PLXND1: variants seen among roughly 807,000 people sequenced by gnomAD.
PLXND1 encodes plexin-D1.
In PLXND1, 54 loss-of-function variants were observed where a neutral mutation model predicts 197.7. That is an observed-to-expected ratio of 0.27 (90% CI 0.22 to 0.34). The LOEUF is 0.34. PLXND1 is among the 10% of genes least tolerant of loss of function. PLXND1 has a pLI of 1.00. For missense variants in PLXND1, 2,127 were observed against 2,699.2 expected, an observed-to-expected ratio of 0.79 and a Z score of 4.70; for synonymous variants, 1,180 against 1,161.2, an observed-to-expected ratio of 1.02 and a Z score of -0.33.
chr3:129,574,717 T>G (rs965209591), intron 11 of PLXND1, among the ~76,000 whole-genome samples: 11 of 152,182 alleles, frequency 7.2e-5, no homozygotes, highest in African/African-American at 2.4e-4. Flanking sequence ...CTTCATTGAT[T>G]TCCTTCCCCT....
rs370735417 is a variant in PLXND1 at position 129,575,453 on chromosome 3, G to A, written c.2530+16C>T. The A allele has an allele frequency of 1.9e-5, 29 of 1,502,172 alleles. No individual in the cohort carries two copies. In the African/African-American group the frequency reaches 2.2e-4, roughly 11 times the overall value. 93.1% of individuals were successfully genotyped at this position (1,502,172 alleles called of 1,614,324 possible). ...CTGAGGCCCCGAGGCCATGTGGGGC[G>A]GGTGGGGGTGCCCACCTGTCATGGG... is the stretch of plus-strand genomic sequence containing the variant. On this transcript the variant is annotated intron_variant, in intron 11 of 35. Coordinates refer to ENST00000324093, the MANE Select transcript of PLXND1 (RefSeq NM_015103.3).
chr3:129,591,007 T>G (rs1459801330), intron 1 of PLXND1, among the ~76,000 whole-genome samples: 1 of 8,276 alleles, frequency 1.2e-4, no homozygotes, highest in Non-Finnish European at 5.5e-4. Flanking sequence ...TGTGCCTGCC[T>G]GGTTTTTGCA....
chr3:129,561,315 G>A (rs1458316805), intron 29 of PLXND1, among the ~76,000 whole-genome samples: 1 of 152,198 alleles, frequency 6.6e-6, no homozygotes, highest in African/African-American at 2.4e-5. Context: ...GGTGTGGAGG[G>A]GGCACTTGAG....
chr3:129,606,118 C>T lies in PLXND1; in HGVS notation c.522G>A (p.Thr174=), dbSNP rs896010083. ...PPAAPPAEPV[T]VFPSMLNVAA... ...CCACGTTCAGCATGCTGGGGAACAC[C>T]GTGACGGGCTCGGCGGGCGGCGCGG... The change falls in exon 1 of 36, where the codon ACG becomes ACA. Residue 174 remains threonine (T), a synonymous_variant. Transcript: ENST00000324093. 6.5e-7 allele frequency: 1 copy of T among 1,536,532 alleles called. No homozygotes were observed. The highest frequency in any genetic ancestry group is 2.5e-5 in the East Asian group (1 of 40,640).
intron 8 of PLXND1, among the ~76,000 whole-genome samples, chr3:129,580,660 T>C (rs1415199010): frequency 6.6e-6 from 1 of 151,996 alleles, no homozygotes; most frequent in Non-Finnish European, 1.5e-5. Flanking sequence ...TTGTAACCTG[T>C]GGCCAGGTGG....
intron 1 of PLXND1, among the ~76,000 whole-genome samples, chr3:129,602,440 C>T (rs2085723193): frequency 6.6e-6 from 1 of 152,254 alleles, no homozygotes; most frequent in Non-Finnish European, 1.5e-5. Flanking sequence ...TCCTCCGCCC[C>T]CTCCGCTGGG....
At chr3:129,589,646 A>G in intron 1 of PLXND1, 119 bp from the exon 2 acceptor site, 1 of 869,000 alleles carries the variant, frequency 1.2e-6, no homozygotes, top group Non-Finnish European at 1.7e-6. Flanking sequence ...TTCCTACTTT[A>G]TATCCTCAGT....
At position 129,605,357 on chromosome 3, in the gene PLXND1, G is replaced by A. The variant is rs777938845; in HGVS notation, c.1283C>T (p.Pro428Leu). The A allele has an allele frequency of 6.8e-7, 1 of 1,468,728 alleles. No homozygotes were observed. Among genetic ancestry groups the A allele is most frequent in the Admixed American group, 2.5e-5 (1 of 40,436 alleles). The allele number at this position is 1,468,728 out of a possible 1,614,324, so 91.0% of individuals were successfully genotyped here. ...GATGTTGAGCTTGCGCTCACAGGCCGGTCCCGTGCCCTGCACCACGCTGTC... is the reference window on the plus strand; with the variant it reads ...GATGTTGAGCTTGCGCTCACAGGCCAGTCCCGTGCCCTGCACCACGCTGTC... Reference protein sequence around the residue: ...VLDSVVQGTGPACERKLNIQL... With the variant: ...VLDSVVQGTGLACERKLNIQL... The change falls in exon 1 of 36, where the codon CCG (proline) becomes CTG (leucine). Residue 428 changes from proline to leucine, a missense_variant. Around this residue, in one of 6 missense-constraint regions of PLXND1, gnomAD observed 1,095 missense variants for 1,259.8 expected, o/e 0.87. Coordinates refer to ENST00000324093, the MANE Select transcript of PLXND1 (RefSeq NM_015103.3).
chr3:129,575,921 C>T (rs1483049964), intron 9 of PLXND1, 66 bp from the exon 10 acceptor site: 11 of 920,768 alleles, frequency 1.2e-5, no homozygotes, highest in South Asian at 9.6e-5. Context: ...TGCCCTCTAA[C>T]TCCAGCAGGA....
intron 1 of PLXND1, among the ~76,000 whole-genome samples, chr3:129,593,493 TG>T (rs2085575901): frequency 6.6e-6 from 1 of 152,252 alleles, no homozygotes; most frequent in Non-Finnish European, 1.5e-5. Context: ...TTTCAAGATG[TG>T]GCTCAGCCCC....
chr3:129,601,277 G>T (rs1040057155), intron 1 of PLXND1, among the ~76,000 whole-genome samples: 1 of 152,174 alleles, frequency 6.6e-6, no homozygotes, highest in Non-Finnish European at 1.5e-5. Context: ...TGCGGGGACC[G>T]AGGTTCTCTG....
intron 8 of PLXND1, among the ~76,000 whole-genome samples, chr3:129,583,048 T>A (rs954416364): frequency 6.6e-6 from 1 of 152,180 alleles, no homozygotes; most frequent in African/African-American, 2.4e-5. Flanking sequence ...TCCACCCAGT[T>A]CCTGATTTTC....
chr3:129,567,561 C>G lies in PLXND1; in HGVS notation c.4017G>C (p.Glu1339Asp). 1.2e-6 allele frequency: 2 copies of G among 1,612,404 alleles called. No homozygotes were observed. The highest frequency in any genetic ancestry group is 2.2e-5 in the South Asian group (2 of 90,746). The change falls in exon 22 of 36, where the codon GAG becomes GAC. Residue 1339 changes from glutamate (E) to aspartate (D), a missense_variant. Around this residue, in one of 6 missense-constraint regions of PLXND1, gnomAD observed 532 missense variants for 811.0 expected, o/e 0.66. Coordinates refer to ENST00000324093, the MANE Select transcript of PLXND1 (RefSeq NM_015103.3). The part of the protein sequence containing the change: ...LQTDMTDLTK[E>D]LNRSQGIPFL... ...AGGGGATGCCCTGGCTGCGGTTCAG[C>G]TCCTTGGTGAGATCTGTCATGTCTG... is the stretch of plus-strand genomic sequence containing the variant.
intron 2 of PLXND1, among the ~76,000 whole-genome samples, chr3:129,588,673 G>A (rs964207678): frequency 2.0e-5 from 3 of 152,252 alleles, no homozygotes; most frequent in Non-Finnish European, 4.4e-5. Context: ...GAGTGGTGGC[G>A]CTTAGCTTAG....
chr3:129,599,775 G>A (rs1206540016), intron 1 of PLXND1, among the ~76,000 whole-genome samples: 1 of 152,182 alleles, frequency 6.6e-6, no homozygotes, highest in Non-Finnish European at 1.5e-5. Flanking sequence ...AATCTCTATG[G>A]CCCAGCCAGA....
At chr3:129,600,369 G>A (rs2085689970) in intron 1 of PLXND1, among the ~76,000 whole-genome samples, 1 of 152,184 alleles carries the variant, frequency 6.6e-6, no homozygotes. Context: ...CCTGGGCACT[G>A]CATGTGAGGT....
In PLXND1 at chr3:129,571,279, G is replaced by A; in HGVS notation, c.3361C>T (p.Leu1121Phe). ...GCCCCGGGGGACGGGCAGGTGATGAGGGTGGAGTTGAGAACCTTGCAGAGC... is the reference window on the plus strand; with the variant it reads ...GCCCCGGGGGACGGGCAGGTGATGAAGGTGGAGTTGAGAACCTTGCAGAGC... ...PTLCKVLNST[L>F]ITCPSPGALS... The change falls in exon 18 of 36, where the codon CTC becomes TTC. Residue 1121 changes from leucine (L) to phenylalanine (F), a missense_variant. Coordinates refer to ENST00000324093, the MANE Select transcript of PLXND1 (RefSeq NM_015103.3). 1 of 1,613,520 alleles carries A rather than the reference G, an allele frequency of 6.2e-7. No homozygotes were observed. Among genetic ancestry groups the A allele is most frequent in the Non-Finnish European group, 8.5e-7 (1 of 1,179,730 alleles).
chr3:129,556,836 G>T, intron 34 of PLXND1, 145 bp from the exon 35 acceptor site: 1 of 711,348 alleles, frequency 1.4e-6, no homozygotes, highest in Non-Finnish European at 2.4e-6. Context: ...AAGTCCCATG[G>T]ACGAAGACGG....
intron 27 of PLXND1, 171 bp downstream of exon 27, chr3:129,562,616 G>A (rs1047584571): frequency 1.5e-5 from 9 of 585,764 alleles, no homozygotes; most frequent in Admixed American, 1.2e-4. Flanking sequence ...CACACTGCAG[G>A]ACTTGTCTCC....
Sources: allele counts gnomAD v4.1 joint callset (sites outside exome capture counted in the v4.1 genomes callset), GRCh38; gene constraint gnomAD v4.1.1; regional missense constraint gnomAD v4.1.1; transcripts MANE v1.5; gene names NCBI Gene and HGNC (gene_info 2026-07-23, HGNC 2026-07-21).